Variants in NPR3 observed in about 807,000 individuals in gnomAD.
NPR3 encodes the protein atrial natriuretic peptide receptor 3.
A neutral mutation model predicts 54.5 loss-of-function variants in NPR3; 34 were observed. The observed-to-expected ratio is 0.62, with a 90% CI of 0.47 to 0.83. The LOEUF is 0.83. Among genes scored for constraint, NPR3 ranks in the 40% least tolerant of loss-of-function variants. The pLI is 0.00. For missense variants in NPR3, 674 were observed against 720.8 expected, an observed-to-expected ratio of 0.94 and a Z score of 0.74; for synonymous variants, 289 against 297.1, an observed-to-expected ratio of 0.97 and a Z score of 0.28.
At chr5:32,696,238 C>A (rs539116098) in intron 1 of NPR3, among the ~76,000 whole-genome samples, 11 of 152,268 alleles carry the variant, frequency 7.2e-5, no homozygotes, top group African/African-American at 2.6e-4. Context: ...TTCCCAGCAC[C>A]ATTTATTGAA....
At position 32,738,777 on chromosome 5, in the gene NPR3, T is replaced by C. The variant is rs1739884127; in HGVS notation, c.893-87T>C. 5.0e-6 allele frequency: 6 copies of C among 1,200,446 alleles called. No homozygotes were observed. In the Admixed American group the frequency reaches 1.1e-4, roughly 21 times the overall value. The allele number at this position is 1,200,446 out of a possible 1,614,324, so 74.4% of individuals were successfully genotyped here. On this transcript the variant is annotated intron_variant, in intron 2 of 7. Transcript: ENST00000265074. ...CTCTTCCTGGTTGCCAAAAGTAACA[T>C]GCGGGGGCGCCTCACAGTTGTGAAG...
intron 3 of NPR3, among the ~76,000 whole-genome samples, chr5:32,750,696 G>A (rs566030002): frequency 1.4e-4 from 21 of 152,198 alleles, no homozygotes; most frequent in Non-Finnish European, 2.8e-4. Context: ...TTGAGAGAGC[G>A]AGTGAACATA....
At chr5:32,691,753 C>T (rs1462469354) in intron 1 of NPR3, among the ~76,000 whole-genome samples, 4 of 152,114 alleles carry the variant, frequency 2.6e-5, no homozygotes, top group Non-Finnish European at 5.9e-5. Context: ...AAGGGGACAC[C>T]GATGAAGAGC....
intron 3 of NPR3, among the ~76,000 whole-genome samples, chr5:32,774,355 A>G (rs1165398528): frequency 6.6e-6 from 1 of 152,190 alleles, no homozygotes; most frequent in Non-Finnish European, 1.5e-5. Flanking sequence ...TCAAGGGGGA[A>G]GCTGAATTCA....
Position 32,789,673 on chromosome 5 carries a change from GC to G in NPR3, c.*3332del, listed in dbSNP as rs759659160. 3.7e-6 allele frequency: 2 copies of G among 534,674 alleles called. No homozygotes were observed. Among genetic ancestry groups the G allele is most frequent in the Admixed American group, 1.9e-5 (1 of 51,594 alleles). 33.1% of individuals were successfully genotyped at this position (534,674 alleles called of 1,614,324 possible). A position where few individuals can be genotyped will look rare whatever the true frequency, so the allele number is the denominator to read the frequency against. On this transcript the variant is annotated 3_prime_UTR_variant, in exon 8 of 8. Transcript: ENST00000265074. ...TACTCAAGGCACATGTGCCTTCTTT[GC>G]CCCAAATGCATCACTTTCCTTTTAG...
chr5:32,704,886 A>G (rs186032870), upstream of NPR3, among the ~76,000 whole-genome samples: 17 of 152,378 alleles, frequency 1.1e-4, no homozygotes, highest in African/African-American at 4.1e-4. Flanking sequence ...AAGGCAGCGT[A>G]CAACTAAATA....
At chr5:32,770,859 G>T (rs184186732) in intron 3 of NPR3, among the ~76,000 whole-genome samples, 1 of 152,146 alleles carries the variant, frequency 6.6e-6, no homozygotes, top group African/African-American at 2.4e-5. Flanking sequence ...AGATTGCTCC[G>T]TGGGGAAATC....
chr5:32,724,671 CAT>C (rs890238009), intron 1 of NPR3, 25 bp from the exon 2 acceptor site: 4 of 1,613,570 alleles, frequency 2.5e-6, no homozygotes, highest in African/African-American at 2.7e-5. Context: ...AGGGGTGCCT[CAT>C]GTGTGTTGTT....
chr5:32,772,757 A>G lies in NPR3; in HGVS notation c.1060-1951A>G, dbSNP rs570802090. On this transcript the variant is annotated intron_variant, in intron 3 of 7. Transcript: ENST00000265074. ...GTGAATGCTGATTCTGCCAGACACT[A>G]TTTGAAGTCTTCTACATTTATTAAT... Among the ~76,000 whole-genome samples, 44 of 152,174 alleles carry G rather than the reference A, an allele frequency of 2.9e-4. No individual in the cohort carries two copies. In the East Asian group the frequency reaches 3.7e-3, roughly 13 times the overall value.
chr5:32,766,804 G>A (rs1235108388), intron 3 of NPR3, among the ~76,000 whole-genome samples: 1 of 152,180 alleles, frequency 6.6e-6, no homozygotes, highest in Non-Finnish European at 1.5e-5. Flanking sequence ...TGTGAGGTAG[G>A]ACGCTCATCC....
intron 3 of NPR3, among the ~76,000 whole-genome samples, chr5:32,765,816 G>A (rs1016149037): frequency 4.6e-5 from 7 of 152,112 alleles, no homozygotes; most frequent in Non-Finnish European, 8.8e-5. Flanking sequence ...GGAATCAAAC[G>A]GAATCTATAA....
At chr5:32,728,837 G>GTATATATATATATA (rs70961659) in intron 2 of NPR3, among the ~76,000 whole-genome samples, 12 of 47,996 alleles carry the variant, frequency 2.5e-4, no homozygotes, top group Non-Finnish European at 4.0e-4. Flanking sequence ...GTGTGTGTGT[G>GTATATATATATATA]TATATATATA....
At chr5:32,744,308 A>G (rs1296552160) in intron 3 of NPR3, among the ~76,000 whole-genome samples, 3 of 152,116 alleles carry the variant, frequency 2.0e-5, no homozygotes, top group African/African-American at 2.4e-5. Context: ...TGTTTTAATG[A>G]GGCTCAGTGA....
At position 32,754,074 on chromosome 5, in the gene NPR3, G is replaced by A. The variant is rs577741088; in HGVS notation, c.1059+15044G>A. Among the ~76,000 whole-genome samples, 47 of 152,298 alleles carry A rather than the reference G, an allele frequency of 3.1e-4. 1 individual carries two copies. The highest frequency in any genetic ancestry group is 1.1e-3 in the African/African-American group (47 of 41,572). On this transcript the variant is annotated intron_variant, in intron 3 of 7. Transcript: ENST00000265074. ...CTTCCTTGGCCACTGTACTAACCAA[G>A]GACTCTGGTGTTTGATGCTGACAGC...
chr5:32,749,709 C>A (rs1740478718), intron 3 of NPR3, among the ~76,000 whole-genome samples: 1 of 152,180 alleles, frequency 6.6e-6, no homozygotes, highest in African/African-American at 2.4e-5. Context: ...TTTAGGACTG[C>A]AGACTTATTA....
intron 2 of NPR3, among the ~76,000 whole-genome samples, chr5:32,726,090 T>G (rs1371800012): frequency 6.6e-6 from 1 of 152,324 alleles, no homozygotes; most frequent in East Asian, 1.9e-4. Context: ...AAACGCTGCA[T>G]GCTGGCTGCT....
intron 1 of NPR3, among the ~76,000 whole-genome samples, chr5:32,690,968 A>T (rs899322517): frequency 2.0e-5 from 3 of 152,210 alleles, no homozygotes; most frequent in African/African-American, 7.2e-5. Flanking sequence ...CTTGCTCCAG[A>T]TAAACTGCCA....
chr5:32,743,128 A>G (rs947348105), intron 3 of NPR3, among the ~76,000 whole-genome samples: 3 of 152,184 alleles, frequency 2.0e-5, no homozygotes, highest in African/African-American at 7.2e-5. Context: ...TTGATGGATT[A>G]ATGCCATTTT....
upstream of NPR3, chr5:32,710,896 G>A (rs1208956664): frequency 2.7e-5 from 12 of 451,408 alleles, no homozygotes; most frequent in South Asian, 5.3e-5. Context: ...GTGTGTATAT[G>A]TGTGTGTGTG....
Sources: allele counts gnomAD v4.1 joint callset (sites outside exome capture counted in the v4.1 genomes callset), GRCh38; gene constraint gnomAD v4.1.1; transcripts MANE v1.5; gene names NCBI Gene and HGNC (gene_info 2026-07-23, HGNC 2026-07-21).